The following TMEM132B variants were observed in gnomAD, a reference collection of about 807,000 sequenced individuals.
TMEM132B encodes transmembrane protein 132B.
Under a neutral mutation model 90.8 loss-of-function variants are expected in TMEM132B, and 18 were observed. That is an observed-to-expected ratio of 0.20 (90% CI 0.14 to 0.29). TMEM132B has a LOEUF of 0.29. TMEM132B is among the 10% of genes least tolerant of loss of function. TMEM132B has a pLI of 1.00. For synonymous variants in TMEM132B, 504 were observed against 523.3 expected (o/e 0.96, Z 0.50); for missense variants, 1,096 against 1,326.8 (o/e 0.83, Z 2.70).
At chr12:125,462,821 C>T (rs1881474509) in intron 3 of TMEM132B, among the ~76,000 whole-genome samples, 1 of 152,216 alleles carries the variant, frequency 6.6e-6, no homozygotes, top group African/African-American at 2.4e-5. Context: ...AAGCAGCAAC[C>T]TGTGAACTTT....
At chr12:125,633,632 G>A (rs529198285) in intron 5 of TMEM132B, among the ~76,000 whole-genome samples, 1 of 152,310 alleles carries the variant, frequency 6.6e-6, no homozygotes, top group Non-Finnish European at 1.5e-5. Context: ...CTGCTTTAGG[G>A]GGCACCCCAA....
intron 6 of TMEM132B, among the ~76,000 whole-genome samples, chr12:125,645,058 A>G (rs1159388296): frequency 2.3e-5 from 3 of 131,986 alleles, no homozygotes; most frequent in African/African-American, 9.4e-5. Context: ...TCTACTAAAA[A>G]TCCAAAAAAA....
chr12:125,298,446 G>A (rs1875725595), intron 1 of TMEM132B, among the ~76,000 whole-genome samples: 1 of 151,408 alleles, frequency 6.6e-6, no homozygotes, highest in Non-Finnish European at 1.5e-5. Flanking sequence ...GGCTGAGGTT[G>A]GCGGATCACC....
intron 2 of TMEM132B, among the ~76,000 whole-genome samples, chr12:125,354,121 G>C (rs1877684806): frequency 6.6e-6 from 1 of 152,196 alleles, no homozygotes; most frequent in African/African-American, 2.4e-5. Flanking sequence ...AGCGACAGGA[G>C]AGGGAGAGGA....
chr12:125,615,147 G>C (rs765846583), intron 5 of TMEM132B, among the ~76,000 whole-genome samples: 136 of 152,066 alleles, frequency 8.9e-4, no homozygotes, highest in Non-Finnish European at 1.4e-3. Context: ...ATGTGTCTGA[G>C]TGTGAATCTC....
intron 5 of TMEM132B, among the ~76,000 whole-genome samples, chr12:125,643,371 A>G (rs1886679671): frequency 6.6e-6 from 1 of 152,184 alleles, no homozygotes; most frequent in Admixed American, 6.5e-5. Flanking sequence ...TGTCCAGGAG[A>G]GAAAGTCAGC....
intron 5 of TMEM132B, among the ~76,000 whole-genome samples, chr12:125,613,305 C>T (rs1885907561): frequency 6.8e-6 from 1 of 146,146 alleles, no homozygotes; most frequent in Non-Finnish European, 1.5e-5. Flanking sequence ...GTAGTAATCA[C>T]ATCAGAGTAA....
intron 4 of TMEM132B, among the ~76,000 whole-genome samples, chr12:125,526,403 G>A (rs940301489): frequency 2.6e-5 from 4 of 152,184 alleles, no homozygotes; most frequent in African/African-American, 4.8e-5. Flanking sequence ...CCAGTTGGCC[G>A]TGGCACCTTC....
At chr12:125,558,577 C>T (rs10846917) in intron 4 of TMEM132B, among the ~76,000 whole-genome samples, 86,665 of 152,024 alleles carry the variant, frequency 0.57, 26,486 homozygotes, top group Middle Eastern at 0.78. Context: ...TATATCACTT[C>T]ACAATGCAGA....
intron 4 of TMEM132B, among the ~76,000 whole-genome samples, chr12:125,521,975 T>C (rs1241529859): frequency 6.6e-6 from 1 of 152,212 alleles, no homozygotes; most frequent in African/African-American, 2.4e-5. Context: ...TTGCTTGTTT[T>C]ATTGCATGAT....
chr12:125,355,935 G>A (rs374866144), intron 2 of TMEM132B, among the ~76,000 whole-genome samples: 42 of 152,122 alleles, frequency 2.8e-4, no homozygotes, highest in African/African-American at 8.7e-4. Context: ...GCATTAGCAC[G>A]TACATCTCAC....
intron 1 of TMEM132B, among the ~76,000 whole-genome samples, chr12:125,279,898 ATAAC>A (rs1242063005): frequency 1.3e-5 from 2 of 152,358 alleles, no homozygotes; most frequent in Admixed American, 6.5e-5. Flanking sequence ...GATTATATTA[ATAAC>A]TAACACTTAA....
intron 1 of TMEM132B, among the ~76,000 whole-genome samples, chr12:125,266,347 G>T (rs2136114658): frequency 6.6e-6 from 1 of 152,314 alleles, no homozygotes; most frequent in Non-Finnish European, 1.5e-5. Context: ...CATTTGCCAA[G>T]GTCTGCTGTT....
chr12:125,231,839 A>G (rs1873831426), intron 1 of TMEM132B, among the ~76,000 whole-genome samples: 1 of 152,110 alleles, frequency 6.6e-6, no homozygotes, highest in Non-Finnish European at 1.5e-5. Context: ...GTACTTCGTA[A>G]AAACAGTTCA....
intron 4 of TMEM132B, among the ~76,000 whole-genome samples, chr12:125,542,217 G>A (rs899971646): frequency 7.9e-5 from 12 of 152,040 alleles, no homozygotes; most frequent in Non-Finnish European, 1.8e-4. Context: ...AACAGCTTGC[G>A]TCCATGTTGC....
At chr12:125,220,795 A>G (rs922944797) in intron 1 of TMEM132B, among the ~76,000 whole-genome samples, 1 of 152,188 alleles carries the variant, frequency 6.6e-6, no homozygotes, top group Non-Finnish European at 1.5e-5. Flanking sequence ...ATCAGTTCAC[A>G]TCCCTCCTCT....
At chr12:125,578,923 C>G (rs1311221368) in intron 4 of TMEM132B, among the ~76,000 whole-genome samples, 1 of 152,106 alleles carries the variant, frequency 6.6e-6, no homozygotes, top group Non-Finnish European at 1.5e-5. Context: ...AGGTGCGGAT[C>G]TCTCTGAGTT....
At chr12:125,425,845 C>T (rs1880303015) in intron 3 of TMEM132B, among the ~76,000 whole-genome samples, 1 of 152,202 alleles carries the variant, frequency 6.6e-6, no homozygotes, top group Admixed American at 6.5e-5. Context: ...ATACATTTAT[C>T]TACTGAGGGA....
intron 1 of TMEM132B, among the ~76,000 whole-genome samples, chr12:125,295,107 A>T (rs1006448383): frequency 9.2e-5 from 14 of 152,242 alleles, no homozygotes; most frequent in African/African-American, 3.4e-4. Flanking sequence ...AAAGTTAACG[A>T]GAGTCAGCCA....
Sources: gnomAD v4.1 joint callset for allele counts (sites outside exome capture counted in the v4.1 genomes callset) on GRCh38, gnomAD v4.1.1 for gene constraint, MANE v1.5 for transcripts, NCBI Gene and HGNC (gene_info 2026-07-23, HGNC 2026-07-21) for gene names.